The following CBLN2 variants were observed in gnomAD, a reference collection of about 807,000 sequenced individuals.
The protein encoded by CBLN2 is cerebellin-2.
Under a neutral mutation model 15.0 loss-of-function variants are expected in CBLN2, and 7 were observed. The ratio of observed to expected loss-of-function variants is 0.47; its 90% CI spans 0.27 to 0.88. The LOEUF is 0.88. Ranked by LOEUF, CBLN2 falls within the 40% of genes least tolerant of loss-of-function variation. The pLI, the probability that CBLN2 is intolerant of heterozygous loss-of-function variation, is 0.14. For missense variants in CBLN2, 242 were observed against 304.5 expected (o/e 0.79, Z 1.53); for synonymous variants, 149 against 135.2 (o/e 1.10, Z -0.71).
rs2069627514 is a variant in CBLN2, at chr18:72,612,279, A to G, written c.15+26046T>C. Among the ~76,000 whole-genome samples, 3 of 152,186 alleles carry G rather than the reference A, an allele frequency of 2.0e-5. No homozygotes were observed. The South Asian group carries it at 6.2e-4, about 32-fold the overall frequency. On this transcript the variant is annotated intron_variant, in intron 1 of 2. Coordinates refer to the CBLN2 transcript ENST00000581073. Reference sequence around the variant, plus strand: ...TAGTTTTTTTCTAGTTTGAAAAATGACATTAATAGTTTGGTAGGAATAATG... The same window carrying G: ...TAGTTTTTTTCTAGTTTGAAAAATGGCATTAATAGTTTGGTAGGAATAATG...
rs150453273 is a variant in CBLN2 at position 72,625,101 on chromosome 18, G to C, written c.15+13224C>G. ...ATCAGATAGGTTTTTACCACCCTTT[G>C]TTAAGGATATGGTGATTTGGGAAGC... On this transcript the variant is annotated intron_variant, in intron 1 of 2. Transcript: ENST00000581073. The C allele has an allele frequency of 3.3e-4, 50 of 152,206 alleles. No individual in the cohort carries two copies. The East Asian group carries it at 8.7e-3, about 26-fold the overall frequency. The allele number at this position is 152,206 out of a possible 1,614,324, so 9.4% of individuals were successfully genotyped here. A position where few individuals can be genotyped will look rare whatever the true frequency, so the allele number is the denominator to read the frequency against.
Position 72,602,594 on chromosome 18 carries a change from G to A in CBLN2, c.15+35731C>T, listed in dbSNP as rs149594160. On this transcript the variant is annotated intron_variant, in intron 1 of 2. Transcript: ENST00000581073. ...TCAATACAGCAGTTGTCGGGGTGCC[G>A]CCGTGAAGGTGTTGTGCAGATGTGG... Among the ~76,000 whole-genome samples, 200 of 152,200 alleles carry A rather than the reference G, an allele frequency of 1.3e-3. 1 individual carries two copies. The highest frequency in any genetic ancestry group is 4.4e-3 in the African/African-American group (182 of 41,536).
At chr18:72,540,707 C>A (rs950389271) in intron 3 of CBLN2, among the ~76,000 whole-genome samples, 1 of 152,052 alleles carries the variant, frequency 6.6e-6, no homozygotes, top group Non-Finnish European at 1.5e-5. Flanking sequence ...ATACTTAATG[C>A]CTAACAATAA....
Position 72,562,248 on chromosome 18 carries a change from T to C in CBLN2, c.16-23476A>G, listed in dbSNP as rs537758841. ...GCATTAGGGATGACAATGTAGGCCA[T>C]ACAGGGACAAAATTATAATTGAGAG... On this transcript the variant is annotated intron_variant, in intron 1 of 2. Transcript: ENST00000581073. Among the ~76,000 whole-genome samples the C allele has an allele frequency of 1.5e-3, 231 of 152,150 alleles. 1 individual carries two copies. The highest frequency in any genetic ancestry group is 5.0e-3 in the African/African-American group (208 of 41,508).
At chr18:72,617,154 C>T (rs981718265) in intron 1 of CBLN2, among the ~76,000 whole-genome samples, 1 of 152,116 alleles carries the variant, frequency 6.6e-6, no homozygotes, top group East Asian at 1.9e-4. Context: ...GTTATAAATT[C>T]AAGCTCACAT....
chr18:72,554,757 G>GA (rs1361302810), intron 1 of CBLN2, among the ~76,000 whole-genome samples: 19 of 151,724 alleles, frequency 1.3e-4, no homozygotes, highest in African/African-American at 4.4e-4. Context: ...AAACGTTAAA[G>GA]AAAAAAAATT....
At chr18:72,563,061 A>G (rs2069271930) in intron 1 of CBLN2, among the ~76,000 whole-genome samples, 1 of 152,266 alleles carries the variant, frequency 6.6e-6, no homozygotes, top group South Asian at 2.1e-4. Context: ...AGATAGTTAC[A>G]TAGATTTAGA....
At chr18:72,579,381 G>A (rs1020934854) in intron 1 of CBLN2, among the ~76,000 whole-genome samples, 1 of 152,074 alleles carries the variant, frequency 6.6e-6, no homozygotes, top group Non-Finnish European at 1.5e-5. Flanking sequence ...CTAAATCAAA[G>A]TAAGAGGTCT....
chr18:72,614,060 A>C (rs2069641124), intron 1 of CBLN2, among the ~76,000 whole-genome samples: 1 of 152,182 alleles, frequency 6.6e-6, no homozygotes, highest in Admixed American at 6.5e-5. Flanking sequence ...TCTGTTACAT[A>C]ATTTTTAATA....
intron 1 of CBLN2, among the ~76,000 whole-genome samples, chr18:72,612,231 T>G (rs2069627204): frequency 6.6e-6 from 1 of 152,180 alleles, no homozygotes; most frequent in Non-Finnish European, 1.5e-5. Context: ...AGGCTCTTTT[T>G]TGGTTTCACA....
chr18:72,587,211 T>C (rs999642006), intron 1 of CBLN2, among the ~76,000 whole-genome samples: 8 of 152,074 alleles, frequency 5.3e-5, no homozygotes, highest in Admixed American at 4.6e-4. Flanking sequence ...ATTTTCAAGA[T>C]AAATAGAAAA....
chr18:72,605,252 G>A (rs183011232), intron 1 of CBLN2, among the ~76,000 whole-genome samples: 52 of 152,118 alleles, frequency 3.4e-4, no homozygotes, highest in African/African-American at 1.1e-3. Flanking sequence ...AACACGCTGT[G>A]GAAATACAGG....
intron 1 of CBLN2, among the ~76,000 whole-genome samples, chr18:72,557,535 C>G (rs1366942102): frequency 1.3e-5 from 2 of 152,078 alleles, no homozygotes; most frequent in Non-Finnish European, 2.9e-5. Flanking sequence ...GTAACCTTGC[C>G]AAATGTGGTA....
rs1375069540 is a variant in CBLN2 at position 72,543,659 on chromosome 18, T to TA, written c.-211-130_-211-129insT. 2.7e-6 allele frequency: 1 copy of TA among 374,182 alleles called. No individual in the cohort carries two copies. The highest frequency in any genetic ancestry group is 4.7e-6 in the Non-Finnish European group (1 of 210,660). 23.2% of individuals were successfully genotyped at this position (374,182 alleles called of 1,614,324 possible). On this transcript the variant is annotated intron_variant, in intron 1 of 4. Transcript: ENST00000269503. The surrounding 1 kb of genome is among the most constrained non-coding windows in gnomAD (Gnocchi z 6.8). ...CTTTCCCGCGCCAGCCTGCGCCGCT[T>TA]CAGGGGTGCACCACGCCCCGCGCGC...
intron 1 of CBLN2, among the ~76,000 whole-genome samples, chr18:72,565,652 A>G (rs1048995870): frequency 6.6e-6 from 1 of 152,198 alleles, no homozygotes; most frequent in African/African-American, 2.4e-5. Flanking sequence ...CAAATAAGAA[A>G]GAGAAGGGAA....
intron 1 of CBLN2, among the ~76,000 whole-genome samples, chr18:72,627,101 C>T (rs896474328): frequency 6.6e-6 from 1 of 152,082 alleles, no homozygotes; most frequent in African/African-American, 2.4e-5. Flanking sequence ...CGTGTAAAAA[C>T]ACAGAATATT....
chr18:72,575,456 T>G (rs1204187146), intron 1 of CBLN2, among the ~76,000 whole-genome samples: 1 of 152,076 alleles, frequency 6.6e-6, no homozygotes, highest in East Asian at 1.9e-4. Flanking sequence ...TAAGGAACAG[T>G]GGCTGACACA....
chr18:72,580,227 T>C (rs1437866173), intron 1 of CBLN2, among the ~76,000 whole-genome samples: 1 of 152,094 alleles, frequency 6.6e-6, no homozygotes, highest in African/African-American at 2.4e-5. Flanking sequence ...AACTCAACTC[T>C]AAATATTATA....
chr18:72,586,566 C>A (rs2069444781), intron 1 of CBLN2, among the ~76,000 whole-genome samples: 1 of 152,166 alleles, frequency 6.6e-6, no homozygotes, highest in South Asian at 2.1e-4. Flanking sequence ...CACAAGTATT[C>A]TCTCATCTCA....
Sources: allele counts gnomAD v4.1 joint callset (sites outside exome capture counted in the v4.1 genomes callset), GRCh38; gene constraint gnomAD v4.1.1; non-coding constraint Gnocchi (gnomAD v3.1); transcripts MANE v1.5; gene names NCBI Gene and HGNC (gene_info 2026-07-23, HGNC 2026-07-21).